The following TLL1 variants were observed in gnomAD, a reference collection of about 807,000 sequenced individuals.
TLL1 encodes tolloid-like protein 1.
In TLL1, 49 loss-of-function variants were observed where a neutral mutation model predicts 128.2. The observed-to-expected ratio is 0.38, with a 90% CI of 0.30 to 0.48. The LOEUF (loss-of-function observed/expected upper bound fraction) is 0.48. TLL1 is among the 20% of genes least tolerant of loss of function. The pLI is 0.96. For missense variants in TLL1, 1,123 were observed against 1,242.0 expected (o/e 0.90, Z 1.44); for synonymous variants, 454 against 418.8 (o/e 1.08, Z -1.03).
chr4:165,983,235 C>G (rs576110693), intron 1 of TLL1, among the ~76,000 whole-genome samples: 3 of 151,904 alleles, frequency 2.0e-5, no homozygotes, highest in African/African-American at 7.2e-5. Context: ...CTGAGAAATC[C>G]TATCCGCAGA....
At chr4:166,044,351 G>A in intron 12 of TLL1, 1 of 1,535,470 alleles carries the variant, frequency 6.5e-7, no homozygotes, top group Non-Finnish European at 8.7e-7. Flanking sequence ...ATGGTTGTGT[G>A]TCTGTACCTG....
At chr4:166,034,518 C>G (rs1038472299) in intron 9 of TLL1, among the ~76,000 whole-genome samples, 1 of 152,010 alleles carries the variant, frequency 6.6e-6, no homozygotes, top group African/African-American at 2.4e-5. Context: ...GAAGCAAACT[C>G]TATTGAGATT....
At chr4:165,994,582 A>G in intron 4 of TLL1, 49 bp downstream of exon 4, 2 of 1,600,138 alleles carry the variant, frequency 1.2e-6, no homozygotes, top group Non-Finnish European at 8.6e-7. Context: ...AAAAACTATC[A>G]TACAGATTAA....
At chr4:165,950,455 A>G (rs1419386525) in intron 1 of TLL1, among the ~76,000 whole-genome samples, 2 of 152,124 alleles carry the variant, frequency 1.3e-5, no homozygotes, top group African/African-American at 4.8e-5. Flanking sequence ...CATTTTACCC[A>G]ACAACAGCAG....
intron 12 of TLL1, among the ~76,000 whole-genome samples, chr4:166,052,647 T>C (rs1739798626): frequency 6.6e-6 from 1 of 152,060 alleles, no homozygotes; most frequent in Admixed American, 6.6e-5. Context: ...GCTTCCTTCA[T>C]TGTGTATTCT....
chr4:166,089,270 T>G (rs560715347), intron 18 of TLL1, among the ~76,000 whole-genome samples: 1 of 152,274 alleles, frequency 6.6e-6, no homozygotes, highest in South Asian at 2.1e-4. Flanking sequence ...CTCATAGTGG[T>G]TTCCTATCAA....
At chr4:166,078,811 A>G (rs1249074473) in intron 18 of TLL1, among the ~76,000 whole-genome samples, 1 of 152,204 alleles carries the variant, frequency 6.6e-6, no homozygotes. Context: ...GAAAGAGCCT[A>G]GCAGGCACTA....
chr4:166,051,156 A>T (rs1166141481), intron 12 of TLL1, among the ~76,000 whole-genome samples: 1 of 152,182 alleles, frequency 6.6e-6, no homozygotes, highest in Non-Finnish European at 1.5e-5. Context: ...GTGTTTAATT[A>T]TACAAGACAT....
At position 166,060,018 on chromosome 4, in the gene TLL1, T is replaced by G; in HGVS notation, c.1847-10T>G. ...GGGAGAATATACCTTTTTCTTTTCT[T>G]TTCTTCTAGCTGCTTGTGGTGGACT... On this transcript the variant is annotated splice_polypyrimidine_tract_variant and intron_variant, in intron 14 of 20. Coordinates refer to ENST00000061240, the MANE Select transcript of TLL1 (RefSeq NM_012464.5). The G allele has an allele frequency of 6.2e-7, 1 of 1,613,614 alleles. No homozygotes were observed.
chr4:165,977,910 A>G (rs1041790009), intron 1 of TLL1, among the ~76,000 whole-genome samples: 4 of 152,316 alleles, frequency 2.6e-5, no homozygotes, highest in African/African-American at 9.6e-5. Flanking sequence ...TATGTTTGCA[A>G]AATAGATGAG....
intron 7 of TLL1, among the ~76,000 whole-genome samples, chr4:166,013,639 C>T (rs562227979): frequency 6.6e-6 from 1 of 151,808 alleles, no homozygotes; most frequent in South Asian, 2.1e-4. Flanking sequence ...CTTTTAAGCT[C>T]CCACTTCTTT....
At position 165,972,006 on chromosome 4, in the gene TLL1, A is replaced by G. The variant is rs76449185; in HGVS notation, c.170-17375A>G. On this transcript the variant is annotated intron_variant, in intron 1 of 20. Coordinates refer to ENST00000061240, the MANE Select transcript of TLL1 (RefSeq NM_012464.5). Reference sequence around the variant, plus strand: ...TAGCCTACGTATAAGTAGAACCATCAGGATAATTGTTTTTAAGTTGATATC... The same window carrying G: ...TAGCCTACGTATAAGTAGAACCATCGGGATAATTGTTTTTAAGTTGATATC... Among the ~76,000 whole-genome samples, 445 of 152,298 alleles carry G rather than the reference A, an allele frequency of 2.9e-3. 1 individual carries two copies. The highest frequency in any genetic ancestry group is 0.01 in the African/African-American group (429 of 41,566).
chr4:165,883,581 C>T (rs567352208), intron 1 of TLL1, among the ~76,000 whole-genome samples: 8 of 152,246 alleles, frequency 5.3e-5, no homozygotes, highest in Non-Finnish European at 8.8e-5. Context: ...AAGTACACAT[C>T]GCTTTTTCTG....
At chr4:165,877,408 A>G (rs778859972) in intron 1 of TLL1, among the ~76,000 whole-genome samples, 4 of 152,340 alleles carry the variant, frequency 2.6e-5, no homozygotes, top group Non-Finnish European at 5.9e-5. Flanking sequence ...TCTGTCTTTC[A>G]TCAGTGCAGT....
intron 19 of TLL1, among the ~76,000 whole-genome samples, chr4:166,093,759 C>T (rs950661884): frequency 8.5e-5 from 13 of 152,272 alleles, no homozygotes; most frequent in Non-Finnish European, 1.3e-4. Flanking sequence ...GAGGTCCCTG[C>T]GGCTTTCCGC....
At chr4:166,081,115 G>C (rs1415966282) in intron 18 of TLL1, among the ~76,000 whole-genome samples, 1 of 152,186 alleles carries the variant, frequency 6.6e-6, no homozygotes, top group Non-Finnish European at 1.5e-5. Flanking sequence ...TTCCATGGGA[G>C]AGAGTTTCTT....
intron 1 of TLL1, among the ~76,000 whole-genome samples, chr4:165,968,188 G>A (rs1288824216): frequency 6.6e-6 from 1 of 152,136 alleles, no homozygotes; most frequent in Non-Finnish European, 1.5e-5. Flanking sequence ...CTGAACAAGA[G>A]TTTTGTGTTT....
At chr4:165,886,065 A>G (rs1452474596) in intron 1 of TLL1, among the ~76,000 whole-genome samples, 2 of 151,994 alleles carry the variant, frequency 1.3e-5, no homozygotes. Flanking sequence ...TGATGAGTTT[A>G]AATTTTCAAA....
In TLL1 at chr4:166,043,396, G is replaced by A. The variant is rs1334731884; in HGVS notation, c.1501G>A (p.Gly501Arg). 1 of 1,614,044 alleles carries A rather than the reference G, an allele frequency of 6.2e-7. No individual in the cohort carries two copies. The highest frequency in any genetic ancestry group is 8.5e-7 in the Non-Finnish European group (1 of 1,179,962). The stretch of plus-strand genomic sequence containing the variant: ...AACAGTGTCTGAGAGCTACCACGTC[G>A]GGCTGACCTTTCAGTCCTTTGAGGT... Reference protein sequence around the residue: ...KITVSESYHVGLTFQSFEIER... With the variant: ...KITVSESYHVRLTFQSFEIER... The change falls in exon 12 of 21, where the codon GGG becomes AGG. Residue 501 changes from glycine to arginine, a missense_variant. Coordinates refer to ENST00000061240, the MANE Select transcript of TLL1 (RefSeq NM_012464.5).
Sources: allele counts gnomAD v4.1 joint callset (sites outside exome capture counted in the v4.1 genomes callset), GRCh38; gene constraint gnomAD v4.1.1; transcripts MANE v1.5; gene names NCBI Gene and HGNC (gene_info 2026-07-23, HGNC 2026-07-21).